The following STAM variants were observed in gnomAD, a reference collection of about 807,000 sequenced individuals.
STAM encodes signal transducing adapter molecule 1.
In STAM, 16 loss-of-function variants were observed where a neutral mutation model predicts 63.4. The ratio of observed to expected loss-of-function variants is 0.25; its 90% confidence interval spans 0.17 to 0.38. The LOEUF is 0.38. Ranked by LOEUF, STAM falls within the 10% of genes least tolerant of loss-of-function variation. The pLI is 1.00. For synonymous variants in STAM, 238 were observed against 223.9 expected, an observed-to-expected ratio of 1.06 and a Z score of -0.56; for missense variants, 636 against 657.1, an observed-to-expected ratio of 0.97 and a Z score of 0.35.
chr10:17,700,883 A>G (rs1402020459), intron 9 of STAM, among the ~76,000 whole-genome samples: 1 of 152,238 alleles, frequency 6.6e-6, no homozygotes, highest in Non-Finnish European at 1.5e-5. Flanking sequence ...TTACTTCTAC[A>G]TAAATCATTG....
chr10:17,690,906 A>G (rs1554826704), intron 5 of STAM, among the ~76,000 whole-genome samples: 1 of 152,188 alleles, frequency 6.6e-6, no homozygotes, highest in Non-Finnish European at 1.5e-5. Flanking sequence ...GATGATAGAA[A>G]GGAACTTTGA....
intron 1 of STAM, 80 bp downstream of exon 1, chr10:17,644,459 C>A: frequency 6.4e-7 from 1 of 1,566,610 alleles, no homozygotes; most frequent in South Asian, 1.1e-5. Flanking sequence ...CATTCAGGAC[C>A]CTCGGGCCAG....
chr10:17,661,472 C>G (rs1409881064), intron 2 of STAM, among the ~76,000 whole-genome samples: 1 of 152,158 alleles, frequency 6.6e-6, no homozygotes, highest in African/African-American at 2.4e-5. Flanking sequence ...CAACTTCCAG[C>G]TGTCTTTATG....
At chr10:17,681,490 C>G (rs1835084679) in intron 2 of STAM, among the ~76,000 whole-genome samples, 1 of 151,884 alleles carries the variant, frequency 6.6e-6, no homozygotes, top group African/African-American at 2.4e-5. Context: ...TGTTTTATGG[C>G]TTAACATTGT....
chr10:17,677,677 A>G (rs1412494891), intron 2 of STAM, among the ~76,000 whole-genome samples: 8 of 152,204 alleles, frequency 5.3e-5, no homozygotes, highest in Non-Finnish European at 8.8e-5. Flanking sequence ...TAGAAGAAAA[A>G]AGTTTTAGGA....
chr10:17,709,247 A>G (rs1004637015), intron 13 of STAM, among the ~76,000 whole-genome samples: 7 of 152,346 alleles, frequency 4.6e-5, no homozygotes, highest in African/African-American at 1.7e-4. Flanking sequence ...GATATTTGAT[A>G]ATGTCTTTAA....
At chr10:17,677,653 C>G (rs1156930235) in intron 2 of STAM, among the ~76,000 whole-genome samples, 2 of 152,222 alleles carry the variant, frequency 1.3e-5, no homozygotes, top group African/African-American at 4.8e-5. Flanking sequence ...TAATCTCTTA[C>G]AAAATCAGTA....
Position 17,696,873 on chromosome 10 carries a change from A to C in STAM, c.823+4A>C. On this transcript the variant is annotated splice_donor_region_variant and intron_variant, in intron 8 of 13. Coordinates refer to ENST00000377524, the MANE Select transcript of STAM (RefSeq NM_003473.4). ...CTCACTGCTGAACCAGAAATGAGTA[A>C]GTATTTTCCAGCCTGCCAATAAATG... The C allele has an allele frequency of 9.4e-6, 15 of 1,598,172 alleles. No homozygotes were observed. The highest frequency in any genetic ancestry group is 1.3e-5 in the Non-Finnish European group (15 of 1,165,826).
Position 17,688,157 on chromosome 10 carries a change from C to A in STAM, c.428C>A (p.Pro143Gln), listed in dbSNP as rs1835372226. 1 of 1,567,006 alleles carries A rather than the reference C, an allele frequency of 6.4e-7. No individual in the cohort carries two copies. Among genetic ancestry groups the A allele is most frequent in the Non-Finnish European group, 8.6e-7 (1 of 1,157,136 alleles). ...CTTAAGGAACAAGGAGTTACGTTCCCAGCTATTGGCTCTCAGGTATTTTGG... is the reference window on the plus strand; with the variant it reads ...CTTAAGGAACAAGGAGTTACGTTCCAAGCTATTGGCTCTCAGGTATTTTGG... ...KNLKEQGVTF[P>Q]AIGSQAAEQA... Residue 143 changes from proline (P) to glutamine (Q), a missense_variant, in exon 5 of 14, where the codon CCA becomes CAA. Physicochemically the swap from Pro to Gln is moderately conservative, Grantham distance 76 (BLOSUM62 -1). Transcript: ENST00000377524.
intron 11 of STAM, among the ~76,000 whole-genome samples, 192 bp downstream of exon 11, chr10:17,705,216 C>T (rs1210760591): frequency 6.6e-6 from 1 of 152,022 alleles, no homozygotes; most frequent in Non-Finnish European, 1.5e-5. Context: ...TTTGATCGAC[C>T]TTTGCAATAT....
Position 17,677,622 on chromosome 10 carries a change from G to T in STAM, c.126-7053G>T, listed in dbSNP as rs190946043. Among the ~76,000 whole-genome samples the T allele has an allele frequency of 5.2e-3, 787 of 152,288 alleles. 9 individuals are homozygous for T. The highest frequency in any genetic ancestry group is 7.8e-3 in the Non-Finnish European group (532 of 68,022). On this transcript the variant is annotated intron_variant, in intron 2 of 13. Transcript: ENST00000377524. ...AAGTACATAATTTCTTCAGTCTAAT[G>T]ATGCTGCTATCCAAAAATTTTAATC... is the stretch of plus-strand genomic sequence containing the variant.
At chr10:17,712,407 A>G (rs1321028141) in intron 13 of STAM, among the ~76,000 whole-genome samples, 1 of 152,222 alleles carries the variant, frequency 6.6e-6, no homozygotes, top group East Asian at 1.9e-4. Context: ...TCAACTTTAT[A>G]TCTCACACAT....
At chr10:17,707,079 A>G (rs73603891) in intron 12 of STAM, among the ~76,000 whole-genome samples, 11,856 of 152,176 alleles carry the variant, frequency 0.078, 862 homozygotes, top group African/African-American at 0.19. Flanking sequence ...CCCTTTTCAC[A>G]AACTCATCAC....
intron 2 of STAM, among the ~76,000 whole-genome samples, chr10:17,668,820 T>G (rs1283436960): frequency 6.6e-6 from 1 of 152,252 alleles, no homozygotes; most frequent in South Asian, 2.1e-4. Context: ...TGCTGAATAC[T>G]CTTCCATTAT....
intron 1 of STAM, 53 bp downstream of exon 1, chr10:17,644,432 C>G (rs1833440095): frequency 1.8e-5 from 29 of 1,605,424 alleles, no homozygotes; most frequent in Non-Finnish European, 2.4e-5. Context: ...CACGCTCACT[C>G]TGCCAGCCCC....
chr10:17,666,561 A>AT (rs1220417089), intron 2 of STAM, among the ~76,000 whole-genome samples: 37 of 150,570 alleles, frequency 2.5e-4, no homozygotes, highest in African/African-American at 8.3e-4. Flanking sequence ...TGCCCAGCTA[A>AT]TTTTTTTTTG....
chr10:17,704,308 A>G (rs1836153521), intron 9 of STAM, 123 bp from the exon 10 acceptor site: 4 of 777,632 alleles, frequency 5.1e-6, no homozygotes, highest in African/African-American at 1.8e-5. Context: ...CTGACAACAT[A>G]AAAGCAAAAT....
At chr10:17,705,492 A>G (rs1836219706) in intron 11 of STAM, 96 bp from the exon 12 acceptor site, 1 of 1,372,004 alleles carries the variant, frequency 7.3e-7, no homozygotes, top group Non-Finnish European at 9.9e-7. Context: ...TACTAGTACT[A>G]CTTTTTGCCA....
intron 5 of STAM, among the ~76,000 whole-genome samples, chr10:17,691,569 T>C (rs1554826803): frequency 6.6e-6 from 1 of 152,168 alleles, no homozygotes; most frequent in Non-Finnish European, 1.5e-5. Flanking sequence ...CGAAATCCAG[T>C]TAAGTGAGGA....
Sources: gnomAD v4.1 joint callset for allele counts (sites outside exome capture counted in the v4.1 genomes callset) on GRCh38, gnomAD v4.1.1 for gene constraint, MANE v1.5 for transcripts, NCBI Gene and HGNC (gene_info 2026-07-23, HGNC 2026-07-21) for gene names.